Variants in C1orf21 observed in about 807,000 individuals in gnomAD.
The protein encoded by C1orf21 is chromosome 1 open reading frame 21, also known as uncharacterized protein C1orf21.
Under a neutral mutation model 18.7 loss-of-function variants are expected in C1orf21, and 3 were observed. The observed-to-expected ratio is 0.16, with a 90% CI of 0.07 to 0.42. The LOEUF (loss-of-function observed/expected upper bound fraction) is 0.42. C1orf21 is among the 10% of genes least tolerant of loss of function. The pLI, the probability that C1orf21 is intolerant of heterozygous loss-of-function variation, is 0.99. For synonymous variants in C1orf21, 41 were observed against 46.4 expected (o/e 0.88, Z 0.47); for missense variants, 104 against 143.6 (o/e 0.72, Z 1.41).
intron 3 of C1orf21, among the ~76,000 whole-genome samples, chr1:184,527,610 T>G (rs963167221): frequency 3.9e-5 from 6 of 152,090 alleles, no homozygotes; most frequent in Admixed American, 3.3e-4. Flanking sequence ...GGAGTAAGGT[T>G]CGGGTTGTGA....
At chr1:184,503,744 G>T (rs1373133224) in intron 2 of C1orf21, among the ~76,000 whole-genome samples, 2 of 152,100 alleles carry the variant, frequency 1.3e-5, no homozygotes, top group African/African-American at 4.8e-5. Flanking sequence ...AGAACTCGTG[G>T]GTCAGACCCC....
intron 5 of C1orf21, among the ~76,000 whole-genome samples, chr1:184,603,882 T>A (rs1279503520): frequency 6.6e-6 from 1 of 152,234 alleles, no homozygotes; most frequent in South Asian, 2.1e-4. Flanking sequence ...TTACAAAATG[T>A]TGGAGTTCTT....
intron 3 of C1orf21, among the ~76,000 whole-genome samples, chr1:184,561,196 G>C (rs946229553): frequency 2.6e-5 from 4 of 152,128 alleles, no homozygotes; most frequent in African/African-American, 9.7e-5. Flanking sequence ...CAGCAAGAAG[G>C]CATTTTAATG....
chr1:184,463,065 C>T (rs111680253), intron 1 of C1orf21, among the ~76,000 whole-genome samples: 29 of 128,432 alleles, frequency 2.3e-4, no homozygotes, highest in African/African-American at 7.8e-4. Context: ...CTGGGCGACA[C>T]GAGCAAGACT....
At chr1:184,522,439 T>C (rs1658317561) in intron 3 of C1orf21, among the ~76,000 whole-genome samples, 1 of 152,036 alleles carries the variant, frequency 6.6e-6, no homozygotes, top group African/African-American at 2.4e-5. Flanking sequence ...AACTAGGGCT[T>C]CTTGAAATGT....
intron 1 of C1orf21, among the ~76,000 whole-genome samples, chr1:184,458,858 T>G (rs1306726796): frequency 6.6e-6 from 1 of 152,232 alleles, no homozygotes; most frequent in Non-Finnish European, 1.5e-5. Flanking sequence ...AACTCTTGAA[T>G]AAATGATTTT....
At chr1:184,532,252 A>G (rs539221105) in intron 3 of C1orf21, among the ~76,000 whole-genome samples, 1 of 152,312 alleles carries the variant, frequency 6.6e-6, no homozygotes, top group East Asian at 1.9e-4. Context: ...TCTGACCCTC[A>G]GTTCTTTCAA....
chr1:184,417,815 T>C (rs1300077312), intron 1 of C1orf21, among the ~76,000 whole-genome samples: 3 of 152,254 alleles, frequency 2.0e-5, no homozygotes, highest in Non-Finnish European at 4.4e-5. Context: ...ATGCTGTATC[T>C]GGTGGAGAAA....
chr1:184,514,186 T>A (rs1234202555), intron 3 of C1orf21, among the ~76,000 whole-genome samples: 1 of 152,096 alleles, frequency 6.6e-6, no homozygotes, highest in Non-Finnish European at 1.5e-5. Context: ...ATGCCAATAG[T>A]CCCAGTGACT....
chr1:184,474,055 T>A (rs1335286378), intron 1 of C1orf21, among the ~76,000 whole-genome samples: 1 of 152,228 alleles, frequency 6.6e-6, no homozygotes, highest in African/African-American at 2.4e-5. Flanking sequence ...CAGTGATCTA[T>A]GATTAACTTT....
In C1orf21 at chr1:184,477,500, G is replaced by A. The variant is rs373068773; in HGVS notation, c.-10G>A. 18 of 1,612,614 alleles carry A rather than the reference G, an allele frequency of 1.1e-5. No homozygotes were observed. The highest frequency in any genetic ancestry group is 9.3e-5 in the African/African-American group (7 of 74,874). ...CAGTTCAGCCCGGCTGAAGCTGACC[G>A]AATGAGACTATGGGCTGTGCCTCCG... On this transcript the variant is annotated 5_prime_UTR_variant, in exon 2 of 6. Transcript: ENST00000235307.
intron 1 of C1orf21, among the ~76,000 whole-genome samples, chr1:184,389,287 C>T (rs1395258577): frequency 6.6e-6 from 1 of 152,150 alleles, no homozygotes. Context: ...TTTGTCACAA[C>T]TGGGCATGTT....
At chr1:184,600,261 G>A (rs972085447) in intron 5 of C1orf21, among the ~76,000 whole-genome samples, 3 of 151,918 alleles carry the variant, frequency 2.0e-5, no homozygotes, top group Non-Finnish European at 2.9e-5. Flanking sequence ...CTGCCTCCCA[G>A]GTTCAAGTGA....
intron 2 of C1orf21, among the ~76,000 whole-genome samples, chr1:184,482,504 G>A (rs1657673348): frequency 6.6e-6 from 1 of 152,214 alleles, no homozygotes; most frequent in South Asian, 2.1e-4. Context: ...CCCATTGCAA[G>A]AGGAAATTAT....
chr1:184,566,783 C>G, intron 3 of C1orf21: 1 of 435,860 alleles, frequency 2.3e-6, no homozygotes, highest in South Asian at 1.9e-5. Flanking sequence ...TGATGCTGCT[C>G]TGGAGGCTGA....
chr1:184,466,194 T>C (rs1230860849), intron 1 of C1orf21, among the ~76,000 whole-genome samples: 3 of 152,224 alleles, frequency 2.0e-5, no homozygotes, highest in Non-Finnish European at 4.4e-5. Flanking sequence ...TGTTCTTTAA[T>C]AGTGTTTCAG....
At chr1:184,577,955 T>G (rs1294131499) in intron 3 of C1orf21, among the ~76,000 whole-genome samples, 2 of 141,388 alleles carry the variant, frequency 1.4e-5, no homozygotes, top group Admixed American at 7.0e-5. Context: ...TTGTTTTTGT[T>G]TTTTTTTTTT....
intron 3 of C1orf21, among the ~76,000 whole-genome samples, chr1:184,579,665 C>A (rs1284692805): frequency 1.3e-5 from 2 of 151,792 alleles, no homozygotes; most frequent in African/African-American, 4.8e-5. Flanking sequence ...CACCCACCAC[C>A]ACACCTGGCT....
chr1:184,597,575 C>T (rs955410115), intron 4 of C1orf21, among the ~76,000 whole-genome samples: 1 of 151,880 alleles, frequency 6.6e-6, no homozygotes, highest in Non-Finnish European at 1.5e-5. Flanking sequence ...TGTGTGATAA[C>T]GTGTCTTATC....
Sources: allele counts gnomAD v4.1 joint callset (sites outside exome capture counted in the v4.1 genomes callset), GRCh38; gene constraint gnomAD v4.1.1; transcripts MANE v1.5; gene names NCBI Gene and HGNC (gene_info 2026-07-23, HGNC 2026-07-21).